The following RETREG1 variants were observed in gnomAD, a reference collection of about 807,000 sequenced individuals.
RETREG1 encodes the protein reticulophagy regulator 1.
A neutral mutation model predicts 54.8 loss-of-function variants in RETREG1; 44 were observed. That is an observed-to-expected ratio of 0.80 (90% CI 0.63 to 1.03). The LOEUF (loss-of-function observed/expected upper bound fraction) is 1.03. Among genes scored for constraint, RETREG1 ranks in the 50% least tolerant of loss-of-function variants. The pLI is 0.00. For synonymous variants in RETREG1, 217 were observed against 238.5 expected (o/e 0.91, Z 0.83); for missense variants, 554 against 605.1 (o/e 0.92, Z 0.89).
intron 2 of RETREG1, among the ~76,000 whole-genome samples, chr5:16,566,920 A>C (rs1333137434): frequency 6.6e-6 from 1 of 152,244 alleles, no homozygotes; most frequent in Non-Finnish European, 1.5e-5. Flanking sequence ...GTTTCAACTA[A>C]AGTTGGAAAG....
At chr5:16,607,419 T>C (rs1319516086) in intron 1 of RETREG1, among the ~76,000 whole-genome samples, 1 of 151,970 alleles carries the variant, frequency 6.6e-6, no homozygotes, top group Non-Finnish European at 1.5e-5. Context: ...TTCAAGATTA[T>C]CCCGGCCAAC....
rs146502501 is a variant in RETREG1, at chr5:16,549,124, G to C, written c.458+16639C>G. On this transcript the variant is annotated intron_variant, in intron 3 of 8. Coordinates refer to ENST00000306320, the MANE Select transcript of RETREG1 (RefSeq NM_001034850.3). ...TCCAGAAATCAGTTGGCAGTATTTAGAGGAAAAGCTTTCTCTTGAATTTAG... is the reference window on the plus strand; with the variant it reads ...TCCAGAAATCAGTTGGCAGTATTTACAGGAAAAGCTTTCTCTTGAATTTAG... 7.6e-4 allele frequency among the ~76,000 whole-genome samples: 115 copies of C among 152,302 alleles called. No individual in the cohort carries two copies. The East Asian group carries it at 0.019, about 25-fold the overall frequency.
chr5:16,506,194 T>A (rs1336819655), intron 3 of RETREG1, among the ~76,000 whole-genome samples: 1 of 152,146 alleles, frequency 6.6e-6, no homozygotes, highest in African/African-American at 2.4e-5. Flanking sequence ...CTTCCACTGA[T>A]TTTTTTAAAA....
At chr5:16,491,095 C>A (rs1378954166) in intron 3 of RETREG1, among the ~76,000 whole-genome samples, 1 of 152,176 alleles carries the variant, frequency 6.6e-6, no homozygotes, top group East Asian at 1.9e-4. Flanking sequence ...GCTAAGCTCT[C>A]CCTGTGTGCC....
At chr5:16,507,199 C>G (rs1240056986) in intron 3 of RETREG1, among the ~76,000 whole-genome samples, 1 of 152,180 alleles carries the variant, frequency 6.6e-6, no homozygotes, top group African/African-American at 2.4e-5. Context: ...CTTTCAACCT[C>G]TAAAATGAGT....
chr5:16,590,420 T>C (rs1465233766), intron 1 of RETREG1, among the ~76,000 whole-genome samples: 1 of 152,240 alleles, frequency 6.6e-6, no homozygotes, highest in Non-Finnish European at 1.5e-5. Context: ...CAAGGTTCTT[T>C]TATGTGAAGT....
chr5:16,598,003 C>A (rs1406703966), intron 1 of RETREG1, among the ~76,000 whole-genome samples: 1 of 152,210 alleles, frequency 6.6e-6, no homozygotes, highest in East Asian at 1.9e-4. Flanking sequence ...AACCCCTCCA[C>A]TCCAGTTCCA....
At position 16,474,745 on chromosome 5, in the gene RETREG1, T is replaced by C. The variant is rs746011053; in HGVS notation, c.1490A>G (p.His497Arg). 10 of 1,612,500 alleles carry C rather than the reference T, an allele frequency of 6.2e-6. No homozygotes were observed. In the Admixed American group the frequency reaches 8.4e-5, roughly 13 times the overall value. ...TGTTGCAAGCTGATTCCTAGATTAA[T>C]GGCCTCCCAGCAGATTTGAAAGGAA... ...SGFLSNLLGG[H>R] is the part of the protein sequence containing the mutation. Residue 497 changes from histidine (H) to arginine (R), a missense_variant, in exon 9 of 9, where the codon CAT becomes CGT. Physicochemically the swap from His to Arg is conservative, Grantham distance 29 (BLOSUM62 0). Transcript: ENST00000306320.
At chr5:16,600,423 T>C (rs745739849) in intron 1 of RETREG1, among the ~76,000 whole-genome samples, 2 of 152,128 alleles carry the variant, frequency 1.3e-5, no homozygotes, top group Admixed American at 6.6e-5. Flanking sequence ...AAAATTAAAG[T>C]GGAAGGGCTT....
chr5:16,531,983 G>A (rs1367787330), intron 3 of RETREG1, among the ~76,000 whole-genome samples: 1 of 152,138 alleles, frequency 6.6e-6, no homozygotes, highest in South Asian at 2.1e-4. Context: ...CTGTTAAGGT[G>A]CAGACATTGC....
At chr5:16,504,828 C>T (rs1030942918) in intron 3 of RETREG1, among the ~76,000 whole-genome samples, 1 of 152,144 alleles carries the variant, frequency 6.6e-6, no homozygotes, top group Non-Finnish European at 1.5e-5. Context: ...CGCTGGCTCA[C>T]AGGAATCCCA....
At chr5:16,493,579 T>C (rs541867090) in intron 3 of RETREG1, among the ~76,000 whole-genome samples, 9 of 152,180 alleles carry the variant, frequency 5.9e-5, no homozygotes, top group African/African-American at 1.2e-4. Context: ...TGAAGCAGGC[T>C]GGCTCATTTA....
intron 3 of RETREG1, among the ~76,000 whole-genome samples, chr5:16,524,675 A>G (rs1195644782): frequency 6.6e-6 from 1 of 152,220 alleles, no homozygotes; most frequent in Non-Finnish European, 1.5e-5. Context: ...TGTGTTGAAC[A>G]CTGTAGAGGG....
At chr5:16,526,532 G>A (rs1740721099) in intron 3 of RETREG1, among the ~76,000 whole-genome samples, 1 of 152,156 alleles carries the variant, frequency 6.6e-6, no homozygotes, top group Non-Finnish European at 1.5e-5. Flanking sequence ...AGTGAAACTG[G>A]CATATTCCAG....
intron 3 of RETREG1, among the ~76,000 whole-genome samples, chr5:16,554,271 G>T (rs1050443506): frequency 6.6e-6 from 1 of 152,196 alleles, no homozygotes; most frequent in Non-Finnish European, 1.5e-5. Flanking sequence ...GAACCTCTCC[G>T]TTGAGCCTCG....
intron 1 of RETREG1, among the ~76,000 whole-genome samples, chr5:16,581,521 AACACAACACACAC>A (rs138951280): frequency 0.11 from 9,185 of 85,198 alleles, 937 homozygotes; most frequent in African/African-American, 0.28. Flanking sequence ...TAAGTTCAGA[AACACAACACACAC>A]ACACACACAC....
chr5:16,520,113 A>C (rs1394318863), intron 3 of RETREG1, among the ~76,000 whole-genome samples: 1 of 152,170 alleles, frequency 6.6e-6, no homozygotes, highest in East Asian at 1.9e-4. Flanking sequence ...GGGACAGGCC[A>C]GCCCGGTGGG....
intron 3 of RETREG1, among the ~76,000 whole-genome samples, chr5:16,559,595 A>C (rs1741801822): frequency 6.6e-6 from 1 of 152,264 alleles, no homozygotes; most frequent in Admixed American, 6.5e-5. Context: ...CAATAAAACA[A>C]GATTCATGAT....
intron 1 of RETREG1, among the ~76,000 whole-genome samples, chr5:16,586,720 C>T (rs968619877): frequency 1.3e-5 from 2 of 152,202 alleles, no homozygotes; most frequent in Non-Finnish European, 2.9e-5. Context: ...GGGGCCTCTT[C>T]CTTCACACAT....
Sources: gnomAD v4.1 joint callset for allele counts (sites outside exome capture counted in the v4.1 genomes callset) on GRCh38, gnomAD v4.1.1 for gene constraint, MANE v1.5 for transcripts, NCBI Gene and HGNC (gene_info 2026-07-23, HGNC 2026-07-21) for gene names.